The following POLR3B variants were observed in gnomAD, a reference collection of about 807,000 sequenced individuals.
POLR3B encodes the protein DNA-directed RNA polymerase III subunit RPC2.
In POLR3B, 96 loss-of-function variants were observed where a neutral mutation model predicts 147.4. The ratio of observed to expected loss-of-function variants is 0.65; its 90% CI spans 0.55 to 0.77. The LOEUF is 0.77. Among genes scored for constraint, POLR3B ranks in the 30% least tolerant of loss-of-function variants. The pLI is 0.00. For missense variants in POLR3B, 1,036 were observed against 1,413.5 expected (o/e 0.73, Z 4.28); for synonymous variants, 461 against 485.9 (o/e 0.95, Z 0.67).
intron 23 of POLR3B, among the ~76,000 whole-genome samples, chr12:106,482,406 T>A (rs2038279976): frequency 6.6e-6 from 1 of 152,130 alleles, no homozygotes; most frequent in Non-Finnish European, 1.5e-5. Context: ...CTCTGCAGGC[T>A]GTACAGGAAG....
chr12:106,368,901 T>G (rs1328251445), intron 4 of POLR3B, among the ~76,000 whole-genome samples: 1 of 151,752 alleles, frequency 6.6e-6, no homozygotes, highest in Non-Finnish European at 1.5e-5. Context: ...AGCGTTTTTT[T>G]TTTGTTTGTT....
intron 23 of POLR3B, among the ~76,000 whole-genome samples, chr12:106,466,332 C>G (rs7970973): frequency 6.6e-6 from 1 of 151,946 alleles, no homozygotes; most frequent in Non-Finnish European, 1.5e-5. Context: ...TGTTTAAGTC[C>G]GTTGTAGATT....
Position 106,486,147 on chromosome 12 carries a change from G to A in POLR3B, c.2714-9908G>A, listed in dbSNP as rs952677824. ...TACTAAAAATACAAAAAATTAGTTG[G>A]GCGTGATGGCAGGTGCCTGTAGTCC... On this transcript the variant is annotated intron_variant, in intron 23 of 27. Transcript: ENST00000228347. 2.6e-5 allele frequency among the ~76,000 whole-genome samples: 4 copies of A among 152,096 alleles called. No homozygotes were observed. In the East Asian group the frequency reaches 7.8e-4, roughly 30 times the overall value.
chr12:106,396,151 G>A (rs2036975853), intron 10 of POLR3B, among the ~76,000 whole-genome samples: 1 of 152,112 alleles, frequency 6.6e-6, no homozygotes, highest in Non-Finnish European at 1.5e-5. Context: ...CATCACAAGG[G>A]ATACCCTGCT....
At chr12:106,404,949 A>G (rs992213754) in intron 10 of POLR3B, among the ~76,000 whole-genome samples, 1 of 152,110 alleles carries the variant, frequency 6.6e-6, no homozygotes, top group Non-Finnish European at 1.5e-5. Context: ...TTTTTAGTTT[A>G]TGGATAGTTG....
At chr12:106,479,649 C>T (rs1296635154) in intron 23 of POLR3B, among the ~76,000 whole-genome samples, 1 of 152,178 alleles carries the variant, frequency 6.6e-6, no homozygotes, top group African/African-American at 2.4e-5. Flanking sequence ...TCCCAAAGTG[C>T]TGGGATTACA....
chr12:106,409,994 T>C (rs1460511040), intron 11 of POLR3B, among the ~76,000 whole-genome samples: 1 of 152,228 alleles, frequency 6.6e-6, no homozygotes, highest in Non-Finnish European at 1.5e-5. Context: ...TTTCAGTGTT[T>C]CTGCTAGAGA....
At chr12:106,479,122 T>G (rs995195493) in intron 23 of POLR3B, among the ~76,000 whole-genome samples, 1 of 152,156 alleles carries the variant, frequency 6.6e-6, no homozygotes, top group Non-Finnish European at 1.5e-5. Flanking sequence ...CCTGGAGGTT[T>G]AAGTTCCTTC....
At chr12:106,463,891 G>A (rs2037971496) in intron 23 of POLR3B, among the ~76,000 whole-genome samples, 2 of 151,834 alleles carry the variant, frequency 1.3e-5, no homozygotes, top group African/African-American at 4.8e-5. Flanking sequence ...TAGGTGATGT[G>A]CCTATTGAGA....
At chr12:106,391,967 G>A (rs2136915964) in intron 9 of POLR3B, among the ~76,000 whole-genome samples, 1 of 152,252 alleles carries the variant, frequency 6.6e-6, no homozygotes, top group Admixed American at 6.5e-5. Context: ...CTTCTAAGAA[G>A]CTGACTATTA....
intron 23 of POLR3B, among the ~76,000 whole-genome samples, chr12:106,474,781 G>A (rs1403569178): frequency 1.5e-4 from 23 of 150,346 alleles, no homozygotes; most frequent in African/African-American, 4.2e-4. Flanking sequence ...TCTTGCTAGC[G>A]GTCTATCAAT....
intron 16 of POLR3B, among the ~76,000 whole-genome samples, chr12:106,435,552 T>G: frequency 6.6e-6 from 1 of 152,200 alleles, no homozygotes; most frequent in East Asian, 1.9e-4. Context: ...TATACCTGTG[T>G]TTGAATCCTA....
intron 12 of POLR3B, among the ~76,000 whole-genome samples, chr12:106,424,016 C>T (rs1242745101): frequency 6.6e-6 from 1 of 152,072 alleles, no homozygotes; most frequent in Non-Finnish European, 1.5e-5. Flanking sequence ...GCCACCATGC[C>T]TGGCTAATTT....
At chr12:106,460,210 A>G (rs993975779) in intron 22 of POLR3B, among the ~76,000 whole-genome samples, 2 of 152,186 alleles carry the variant, frequency 1.3e-5, no homozygotes, top group African/African-American at 4.8e-5. Flanking sequence ...AATGAGTCAT[A>G]TTTAGTTGGC....
intron 10 of POLR3B, among the ~76,000 whole-genome samples, chr12:106,397,839 T>C (rs7297873): frequency 0.39 from 59,915 of 152,130 alleles, 14,035 homozygotes; most frequent in African/African-American, 0.66. Flanking sequence ...CTCATGAATG[T>C]GTACCTAAGA....
intron 23 of POLR3B, among the ~76,000 whole-genome samples, chr12:106,468,408 G>A (rs1046291532): frequency 6.6e-6 from 1 of 152,150 alleles, no homozygotes; most frequent in South Asian, 2.1e-4. Context: ...CCAGCTCCTG[G>A]ATTTATTGAT....
At chr12:106,376,629 C>T (rs10861584) in intron 7 of POLR3B, among the ~76,000 whole-genome samples, 179 bp downstream of exon 7, 8 of 147,448 alleles carry the variant, frequency 5.4e-5, no homozygotes, top group African/African-American at 7.7e-5. Flanking sequence ...TTCTTTCTTT[C>T]TTTTTTGAGA....
chr12:106,375,067 C>T (rs1317619678), intron 6 of POLR3B, among the ~76,000 whole-genome samples: 1 of 152,116 alleles, frequency 6.6e-6, no homozygotes, highest in Non-Finnish European at 1.5e-5. Context: ...TTATGTTGAC[C>T]TCATTCTGAG....
chr12:106,364,789 C>T (rs894532552), intron 2 of POLR3B, among the ~76,000 whole-genome samples: 14 of 152,144 alleles, frequency 9.2e-5, no homozygotes, highest in Non-Finnish European at 1.3e-4. Context: ...AGCAGGTACC[C>T]GCTGCAACAT....
Sources: allele counts gnomAD v4.1 joint callset (sites outside exome capture counted in the v4.1 genomes callset), GRCh38; gene constraint gnomAD v4.1.1; transcripts MANE v1.5; gene names NCBI Gene and HGNC (gene_info 2026-07-23, HGNC 2026-07-21).